MRPS23: variants seen among roughly 807,000 people sequenced by gnomAD.
MRPS23 encodes the protein mitochondrial ribosomal protein S23.
A neutral mutation model predicts 19.8 loss-of-function variants in MRPS23; 14 were observed. The ratio of observed to expected loss-of-function variants is 0.71; its 90% CI spans 0.47 to 1.11. MRPS23 has a LOEUF of 1.11. MRPS23 is among the 50% of genes least tolerant of loss of function. The probability of loss-of-function intolerance (pLI) is 0.00; values close to 1 mark genes in which losing one functional copy is unlikely to be tolerated. For missense variants in MRPS23, 242 were observed against 236.7 expected (o/e 1.02, Z -0.15); for synonymous variants, 113 against 89.7 (o/e 1.26, Z -1.47).
Position 57,838,169 on chromosome 17 carries a change from A to AATCCCAG in MRPS23, c.*1607_*1613dup, listed in dbSNP as rs1342844912. On this transcript the variant is annotated 3_prime_UTR_variant, in exon 5 of 5. Coordinates refer to ENST00000313608, the MANE Select transcript of MRPS23 (RefSeq NM_016070.4). ...GCCGGGCGTCATAGCATACACCTGT[A>AATCCCAG]ATCCCAGCTACTTGGGAGGCTGAGG... 1 of 151,530 alleles carries AATCCCAG rather than the reference A, an allele frequency of 6.6e-6. No individual in the cohort carries two copies. The highest frequency in any genetic ancestry group is 2.4e-5 in the African/African-American group (1 of 41,206). 9.4% of individuals were successfully genotyped at this position (151,530 alleles called of 1,614,324 possible). A position where few individuals can be genotyped will look rare whatever the true frequency, so the allele number is the denominator to read the frequency against.
At position 57,836,894 on chromosome 17, in the gene MRPS23, G is replaced by A. The variant is rs2073709471; in HGVS notation, c.*2889C>T. 1 of 152,152 alleles carries A rather than the reference G, an allele frequency of 6.6e-6. No homozygotes were observed. Among genetic ancestry groups the A allele is most frequent in the African/African-American group, 2.4e-5 (1 of 41,422 alleles). 9.4% of individuals were successfully genotyped at this position (152,152 alleles called of 1,614,324 possible). A position where few individuals can be genotyped will look rare whatever the true frequency, so the allele number is the denominator to read the frequency against. On this transcript the variant is annotated 3_prime_UTR_variant, in exon 5 of 5. Coordinates refer to ENST00000313608, the MANE Select transcript of MRPS23 (RefSeq NM_016070.4). ...GGGTTTCACTATGTTGGCCAGGCTGGTCTCGAACTCCTGACCTCAGGTGAT... is the reference window on the plus strand; with the variant it reads ...GGGTTTCACTATGTTGGCCAGGCTGATCTCGAACTCCTGACCTCAGGTGAT...
chr17:57,839,757 G>A lies in MRPS23; in HGVS notation c.*26C>T. ...TTCAGCCAGTGAGTAGAGTGTGAATGCCAGCATACACAGTATACAGGTCCT... is the reference window on the plus strand; with the variant it reads ...TTCAGCCAGTGAGTAGAGTGTGAATACCAGCATACACAGTATACAGGTCCT... On this transcript the variant is annotated 3_prime_UTR_variant, in exon 5 of 5. Transcript: ENST00000313608. 4 of 1,601,656 alleles carry A rather than the reference G, an allele frequency of 2.5e-6. No individual in the cohort carries two copies. The highest frequency in any genetic ancestry group is 3.4e-6 in the Non-Finnish European group (4 of 1,171,208).
intron 4 of MRPS23, among the ~76,000 whole-genome samples, chr17:57,840,386 CAAA>C (rs35485204): frequency 4.7e-5 from 6 of 128,536 alleles, no homozygotes; most frequent in Non-Finnish European, 5.1e-5. Flanking sequence ...GACTCCGTCT[CAAA>C]AAAAAAAAAA....
chr17:57,849,406 G>A lies in MRPS23; in HGVS notation c.49C>T (p.Arg17Trp). The change falls in exon 2 of 5, where the codon CGG (arginine) becomes TGG (tryptophan). Residue 17 changes from arginine (R) to tryptophan (W), a missense_variant. Coordinates refer to ENST00000313608, the MANE Select transcript of MRPS23 (RefSeq NM_016070.4). ...AGCACCCCGGCCCGAACCAGGTCCCGAGTCCTTAGGGAGGGAACAGAACGA... is the reference window on the plus strand; with the variant it reads ...AGCACCCCGGCCCGAACCAGGTCCCAAGTCCTTAGGGAGGGAACAGAACGA... ...ETVGSIFSRTRDLVRAGVLKE... is the reference protein window; with the variant it reads ...ETVGSIFSRTWDLVRAGVLKE... The A allele has an allele frequency of 6.2e-7, 1 of 1,613,630 alleles. No individual in the cohort carries two copies. The highest frequency in any genetic ancestry group is 8.5e-7 in the Non-Finnish European group (1 of 1,179,906).
chr17:57,846,728 A>G (rs1262437653), intron 2 of MRPS23, among the ~76,000 whole-genome samples: 1 of 152,102 alleles, frequency 6.6e-6, no homozygotes, highest in Non-Finnish European at 1.5e-5. Flanking sequence ...ATGCTCGTTA[A>G]GAGTCATCAC....
At chr17:57,848,353 T>TAA (rs139832505) in intron 2 of MRPS23, among the ~76,000 whole-genome samples, 2 of 151,070 alleles carry the variant, frequency 1.3e-5, no homozygotes, top group East Asian at 1.9e-4. Context: ...AAAGGGATGC[T>TAA]AAAAAAAAAT....
At chr17:57,842,891 TAC>T (rs35501487) in intron 2 of MRPS23, among the ~76,000 whole-genome samples, 1,020 of 76,572 alleles carry the variant, frequency 0.013, 22 homozygotes, top group African/African-American at 0.044. Context: ...TATATATATA[TAC>T]ACACACACAC....
chr17:57,846,296 G>C (rs1597953755), intron 2 of MRPS23, among the ~76,000 whole-genome samples: 1 of 7,286 alleles, frequency 1.4e-4, no homozygotes, highest in African/African-American at 2.2e-4. Context: ...CGGGAGGGAG[G>C]TGGGGGGCAC....
At chr17:57,849,824 A>T (rs1160925214) in intron 1 of MRPS23, 143 bp downstream of exon 1, 3 of 958,606 alleles carry the variant, frequency 3.1e-6, no homozygotes, top group Middle Eastern at 5.6e-4. Context: ...AGGAGAAAAC[A>T]TGAGAGGGCC....
At chr17:57,841,700 C>G (rs1049823845) in intron 2 of MRPS23, among the ~76,000 whole-genome samples, 2 of 152,222 alleles carry the variant, frequency 1.3e-5, no homozygotes, top group Non-Finnish European at 2.9e-5. Context: ...GTGGCTCATG[C>G]CTATAATCCC....
At chr17:57,846,370 G>A (rs1412375975) in intron 2 of MRPS23, among the ~76,000 whole-genome samples, 2 of 152,118 alleles carry the variant, frequency 1.3e-5, no homozygotes, top group African/African-American at 4.8e-5. Flanking sequence ...CCCCGTCTGG[G>A]AAGTGAGGAG....
intron 2 of MRPS23, among the ~76,000 whole-genome samples, chr17:57,843,802 G>A (rs1191928594): frequency 1.3e-5 from 2 of 152,050 alleles, no homozygotes; most frequent in Admixed American, 6.5e-5. Flanking sequence ...GTTACACAGT[G>A]GTCTCTTTCT....
At chr17:57,849,904 G>A in intron 1 of MRPS23, 63 bp downstream of exon 1, 1 of 1,538,134 alleles carries the variant, frequency 6.5e-7, no homozygotes, top group South Asian at 1.2e-5. Flanking sequence ...GGAAGAGCGT[G>A]ACCGGCTGAG....
At chr17:57,843,839 C>T (rs1403151956) in intron 2 of MRPS23, among the ~76,000 whole-genome samples, 1 of 152,144 alleles carries the variant, frequency 6.6e-6, no homozygotes, top group African/African-American at 2.4e-5. Context: ...AACTTTGTAG[C>T]CATATACATA....
chr17:57,838,664 G>A lies in MRPS23; in HGVS notation c.*1119C>T, dbSNP rs1038773771. On this transcript the variant is annotated 3_prime_UTR_variant, in exon 5 of 5. Transcript: ENST00000313608. ...TGTGAAACAGTGATAAAGGTCGAGG[G>A]GGAAGCAGCATGGCTGAGAGCTGCT... 1.3e-5 allele frequency: 2 copies of A among 152,230 alleles called. No individual in the cohort carries two copies. Among genetic ancestry groups the A allele is most frequent in the African/African-American group, 4.8e-5 (2 of 41,442 alleles). The allele number at this position is 152,230 out of a possible 1,614,324, so 9.4% of individuals were successfully genotyped here. A position where few individuals can be genotyped will look rare whatever the true frequency, so the allele number is the denominator to read the frequency against.
intron 2 of MRPS23, among the ~76,000 whole-genome samples, chr17:57,844,131 T>C (rs2073757607): frequency 6.6e-6 from 1 of 150,940 alleles, no homozygotes; most frequent in Non-Finnish European, 1.5e-5. Context: ...CTTTTTCTTT[T>C]TTTTTTTTTT....
intron 3 of MRPS23, 43 bp from the exon 4 acceptor site, chr17:57,841,095 T>C (rs199552527): frequency 1.1e-5 from 17 of 1,612,476 alleles, no homozygotes; most frequent in Middle Eastern, 1.6e-4. Flanking sequence ...TTTGTAAGCA[T>C]TGTTAAGACG....
In MRPS23 at chr17:57,842,889, TATACACACACACAC is replaced by T. The variant is rs1306502626; in HGVS notation, c.216-1643_216-1630del. Among the ~76,000 whole-genome samples the T allele has an allele frequency of 5.3e-4, 52 of 98,436 alleles. No homozygotes were observed. In the South Asian group the frequency reaches 8.5e-3, roughly 16 times the overall value. The allele number at this position is 98,436 out of a possible 152,430, so 64.6% of individuals were successfully genotyped here. A position where few individuals can be genotyped will look rare whatever the true frequency, so the allele number is the denominator to read the frequency against. On this transcript the variant is annotated intron_variant, in intron 2 of 4. Coordinates refer to ENST00000313608, the MANE Select transcript of MRPS23 (RefSeq NM_016070.4). ...TAAAAAAAAAAAAAAAATATATATA[TATACACACACACAC>T]ACACACACACACACACACACACACA...
chr17:57,843,981 C>A (rs1395241772), intron 2 of MRPS23, among the ~76,000 whole-genome samples: 1 of 151,978 alleles, frequency 6.6e-6, no homozygotes, highest in Non-Finnish European at 1.5e-5. Context: ...AGTTTTATAT[C>A]ATGCTTAAAA....
Sources: allele counts gnomAD v4.1 joint callset (sites outside exome capture counted in the v4.1 genomes callset), GRCh38; gene constraint gnomAD v4.1.1; transcripts MANE v1.5; gene names NCBI Gene and HGNC (gene_info 2026-07-23, HGNC 2026-07-21).